DNAH8: variants seen among roughly 807,000 people sequenced by gnomAD.
DNAH8 encodes dynein axonemal heavy chain 8, also known as axonemal beta dynein heavy chain 8.
In DNAH8, 382 loss-of-function variants were observed where a neutral mutation model predicts 562.1. The observed-to-expected ratio is 0.68, with a 90% CI of 0.63 to 0.74. The LOEUF (loss-of-function observed/expected upper bound fraction) is 0.74. Ranked by LOEUF, DNAH8 falls within the 30% of genes least tolerant of loss-of-function variation. DNAH8 has a pLI of 0.00. For synonymous variants in DNAH8, 1,881 were observed against 1,919.4 expected, an observed-to-expected ratio of 0.98 and a Z score of 0.52; for missense variants, 5,203 against 5,620.4, an observed-to-expected ratio of 0.93 and a Z score of 2.37.
chr6:38,872,688 A>G lies in DNAH8; in HGVS notation c.7143A>G (p.Ala2381=). 6.2e-7 allele frequency: 1 copy of G among 1,614,142 alleles called. No individual in the cohort carries two copies. The highest frequency in any genetic ancestry group is 1.1e-5 in the South Asian group (1 of 91,090). The stretch of plus-strand genomic sequence containing the variant: ...GAATGAATCCAAAAGCCATTACTGC[A>G]CCTCAGATGTTTGGCAGACTGGACA... ...EMRMNPKAIT[A]PQMFGRLDTA... is the part of the protein sequence containing the mutation. Residue 2381 remains alanine, a synonymous_variant, in exon 50 of 93, where the codon GCA becomes GCG. Coordinates refer to ENST00000327475, the MANE Select transcript of DNAH8 (RefSeq NM_001206927.2).
At chr6:38,747,820 T>C (rs1421906106) in intron 8 of DNAH8, among the ~76,000 whole-genome samples, 1 of 152,242 alleles carries the variant, frequency 6.6e-6, no homozygotes, top group Non-Finnish European at 1.5e-5. Flanking sequence ...ACAGTTTTTT[T>C]CTCCAAAATA....
Position 38,788,155 on chromosome 6 carries a change from GT to G in DNAH8, c.2583+1214del, listed in dbSNP as rs56324450. Among the ~76,000 whole-genome samples the G allele has an allele frequency of 1.8e-4, 27 of 147,742 alleles. No homozygotes were observed. In the East Asian group the frequency reaches 3.1e-3, roughly 17 times the overall value. ...AATAAATAAATTTCAGACTTTTCCT[GT>G]TTTTTTTTTTGTTGTTGTTGGAGTC... On this transcript the variant is annotated intron_variant, in intron 18 of 92. Coordinates refer to ENST00000327475, the MANE Select transcript of DNAH8 (RefSeq NM_001206927.2).
Position 38,935,704 on chromosome 6 carries a change from T to C in DNAH8, c.11563+7T>C. The C allele has an allele frequency of 6.3e-7, 1 of 1,578,148 alleles. No homozygotes were observed. ...AAATTAAGTGCTACAAAAGGTATTGTGTTATTAAGAAGTAATGAAATAACG... is the reference window on the plus strand; with the variant it reads ...AAATTAAGTGCTACAAAAGGTATTGCGTTATTAAGAAGTAATGAAATAACG... On this transcript the variant is annotated splice_region_variant and intron_variant, in intron 77 of 92. Transcript: ENST00000327475.
chr6:38,748,962 A>T (rs1287796240), intron 8 of DNAH8, among the ~76,000 whole-genome samples: 4 of 151,946 alleles, frequency 2.6e-5, no homozygotes, highest in Non-Finnish European at 4.4e-5. Flanking sequence ...GTTTCCAGGA[A>T]AAAGGAAGGT....
intron 66 of DNAH8, among the ~76,000 whole-genome samples, chr6:38,912,024 G>A (rs1045584212): frequency 9.9e-5 from 15 of 152,232 alleles, no homozygotes; most frequent in Non-Finnish European, 2.2e-4. Flanking sequence ...AACAAAAAGA[G>A]ATTGTGTACC....
chr6:38,756,122 AG>A, intron 10 of DNAH8, 43 bp downstream of exon 10: 1 of 1,256,256 alleles, frequency 8.0e-7, no homozygotes. Context: ...CCTGTGAAAA[AG>A]TTAGCAAATC....
intron 3 of DNAH8, among the ~76,000 whole-genome samples, chr6:38,726,106 C>T (rs1327514376): frequency 6.6e-6 from 1 of 152,142 alleles, no homozygotes; most frequent in African/African-American, 2.4e-5. Context: ...TTAGGCCTGT[C>T]CCGAGGATCA....
intron 88 of DNAH8, among the ~76,000 whole-genome samples, chr6:38,996,843 C>G (rs1765164223): frequency 6.6e-6 from 1 of 152,172 alleles, no homozygotes. Flanking sequence ...TGTCCAGAAG[C>G]CCACATGGTG....
rs532241583 is a variant in DNAH8 at position 38,721,660 on chromosome 6, AAGAT to A, written c.-34-1113_-34-1110del. ...GGTAAACTGGTTAACTAGCAGCTAA[AAGAT>A]AGGTCAGTTTGTCCTTGAGTAGGCC... On this transcript the variant is annotated intron_variant, in intron 1 of 92. Transcript: ENST00000327475. Among the ~76,000 whole-genome samples, 15 of 152,304 alleles carry A rather than the reference AAGAT, an allele frequency of 9.8e-5. No homozygotes were observed. In the East Asian group the frequency reaches 1.5e-3, roughly 16 times the overall value.
At chr6:38,858,654 TTAGGAGATTCA>T (rs1188731579) in intron 42 of DNAH8, among the ~76,000 whole-genome samples, 2 of 152,222 alleles carry the variant, frequency 1.3e-5, no homozygotes, top group Non-Finnish European at 2.9e-5. Context: ...ATCAAGATTC[TTAGGAGATTCA>T]TATGCATATT....
chr6:39,009,681 G>C (rs750602945), intron 89 of DNAH8, among the ~76,000 whole-genome samples: 9 of 152,146 alleles, frequency 5.9e-5, no homozygotes, highest in Admixed American at 3.9e-4. Context: ...GGCAGAGCAA[G>C]AATTTGAATA....
rs1561844607 is a variant in DNAH8 at position 38,906,271 on chromosome 6, A to G, written c.9212A>G (p.Asn3071Ser). 5 of 1,596,896 alleles carry G rather than the reference A, an allele frequency of 3.1e-6. No individual in the cohort carries two copies. Among genetic ancestry groups the G allele is most frequent in the Non-Finnish European group, 4.3e-6 (5 of 1,168,888 alleles). ...ITLTRSYNVTNLTDDLKALYK... is the reference protein window; with the variant it reads ...ITLTRSYNVTSLTDDLKALYK... Reference sequence around the variant, plus strand: ...CTTCTTAGGTCTTACAATGTGACTAATCTAACAGATGATTTAAAAGCTTTG... The same window carrying G: ...CTTCTTAGGTCTTACAATGTGACTAGTCTAACAGATGATTTAAAAGCTTTG... Residue 3071 changes from asparagine (N) to serine (S), a missense_variant, in exon 63 of 93, where the codon AAT becomes AGT. This residue lies in a region of DNAH8 where 977 missense variants were observed against 1,061.8 expected (regional missense o/e 0.92). Coordinates refer to ENST00000327475, the MANE Select transcript of DNAH8 (RefSeq NM_001206927.2).
In DNAH8 at chr6:39,008,950, C is replaced by A. The variant is rs1765992283; in HGVS notation, c.13351C>A (p.Pro4451Thr). 1 of 1,610,708 alleles carries A rather than the reference C, an allele frequency of 6.2e-7. No individual in the cohort carries two copies. Among genetic ancestry groups the A allele is most frequent in the Admixed American group, 1.7e-5 (1 of 59,786 alleles). Reference sequence around the variant, plus strand: ...TGAAGATATGCTGAGTAAACTCCCTCCTGATTACATTCCTCATGAGGTAAG... The same window carrying A: ...TGAAGATATGCTGAGTAAACTCCCTACTGATTACATTCCTCATGAGGTAAG... ...LSEDMLSKLP[P>T]DYIPHEVKSR... The change falls in exon 89 of 93, where the codon CCT (proline) becomes ACT (threonine). Residue 4451 changes from proline (P) to threonine (T), a missense_variant. By Grantham distance (38) the Pro-to-Thr change is conservative. Coordinates refer to ENST00000327475, the MANE Select transcript of DNAH8 (RefSeq NM_001206927.2).
chr6:38,730,560 A>G (rs902950875), intron 4 of DNAH8, among the ~76,000 whole-genome samples: 7 of 152,164 alleles, frequency 4.6e-5, no homozygotes, highest in Non-Finnish European at 1.0e-4. Flanking sequence ...CTTCTTTCTC[A>G]CTTGGTTCCT....
At chr6:38,991,364 A>C (rs1046763740) in intron 88 of DNAH8, among the ~76,000 whole-genome samples, 1 of 152,222 alleles carries the variant, frequency 6.6e-6, no homozygotes, top group Non-Finnish European at 1.5e-5. Flanking sequence ...GCTGTTATCT[A>C]AGGAGGCTTT....
chr6:38,999,400 G>GTTT (rs71809928), intron 88 of DNAH8, among the ~76,000 whole-genome samples: 11 of 141,194 alleles, frequency 7.8e-5, no homozygotes, highest in African/African-American at 2.3e-4. Context: ...TATGGGGGCT[G>GTTT]TTTTTTTTTT....
chr6:38,775,952 G>A lies in DNAH8; in HGVS notation c.1962+1G>A. On this transcript the variant is annotated splice_donor_variant, in intron 13 of 92. Transcript: ENST00000327475. LOFTEE classifies it high-confidence loss of function. ...CATGACAAAAATCAATGGTTTAGAGGTAAGTAATTATACCTACTTTTACTT... is the reference window on the plus strand; with the variant it reads ...CATGACAAAAATCAATGGTTTAGAGATAAGTAATTATACCTACTTTTACTT... The A allele has an allele frequency of 1.3e-6, 2 of 1,596,774 alleles. No homozygotes were observed. The highest frequency in any genetic ancestry group is 1.7e-6 in the Non-Finnish European group (2 of 1,165,532).
At chr6:39,003,054 C>T (rs937519098) in intron 88 of DNAH8, among the ~76,000 whole-genome samples, 1 of 152,144 alleles carries the variant, frequency 6.6e-6, no homozygotes, top group African/African-American at 2.4e-5. Context: ...TAAATGAATC[C>T]AAAGGCTGCT....
intron 82 of DNAH8, among the ~76,000 whole-genome samples, chr6:38,960,816 C>T (rs1309768073): frequency 6.6e-6 from 1 of 151,840 alleles, no homozygotes; most frequent in African/African-American, 2.4e-5. Flanking sequence ...GGATTTTTTT[C>T]ATTTTAAATA....
Sources: gnomAD v4.1 joint callset for allele counts (sites outside exome capture counted in the v4.1 genomes callset) on GRCh38, gnomAD v4.1.1 for gene constraint, gnomAD v4.1.1 regional missense constraint, MANE v1.5 for transcripts, NCBI Gene and HGNC (gene_info 2026-07-23, HGNC 2026-07-21) for gene names.